The following TUSC1 variants were observed in gnomAD, a reference collection of about 807,000 sequenced individuals.
TUSC1 encodes tumor suppressor candidate gene 1 protein.
A neutral mutation model predicts 5.2 loss-of-function variants in TUSC1; 8 were observed. The ratio of observed to expected loss-of-function variants is 1.54; its 90% confidence interval spans 0.90 to 2.77. The LOEUF is 2.77. Among genes scored for constraint, TUSC1 ranks in the 30% most tolerant of loss-of-function variants. The pLI, the probability that TUSC1 is intolerant of heterozygous loss-of-function variation, is 0.00. For synonymous variants in TUSC1, 192 were observed against 144.2 expected, an observed-to-expected ratio of 1.33 and a Z score of -2.37; for missense variants, 442 against 324.2, an observed-to-expected ratio of 1.36 and a Z score of -2.79.
chr9:25,678,104 A>C lies in TUSC1; in HGVS notation c.209T>G (p.Leu70Trp). The change falls in exon 1 of 1, where the codon TTG becomes TGG. Residue 70 changes from leucine to tryptophan, a missense_variant. By Grantham distance (61) the Leu-to-Trp change is moderately conservative. Transcript: ENST00000358022. The stretch of plus-strand genomic sequence containing the variant: ...CTCGTCCCGCGCACGGATGGCCTCC[A>C]AGTGGCTCGCCGCCAGGTCGGCAAA... ...ERFADLAASH[L>W]EAIRARDEWD... 6.4e-7 allele frequency: 1 copy of C among 1,573,660 alleles called. No individual in the cohort carries two copies. The highest frequency in any genetic ancestry group is 8.6e-7 in the Non-Finnish European group (1 of 1,167,770).
Position 25,677,313 on chromosome 9 carries a change from T to A in TUSC1, c.*370A>T, listed in dbSNP as rs79831554. The A allele has an allele frequency of 1.3e-5, 3 of 234,908 alleles. No individual in the cohort carries two copies. The highest frequency in any genetic ancestry group is 2.4e-5 in the Non-Finnish European group (3 of 123,000). 14.6% of individuals were successfully genotyped at this position (234,908 alleles called of 1,614,324 possible). A position where few individuals can be genotyped will look rare whatever the true frequency, so the allele number is the denominator to read the frequency against. ...AACCAAAATACAGGAAAAAAAAAAA[T>A]ACAACAGGTTCGCACAACATCCAGA... On this transcript the variant is annotated 3_prime_UTR_variant, in exon 1 of 1. Transcript: ENST00000358022.
chr9:25,677,672 T>A lies in TUSC1; in HGVS notation c.*11A>T, dbSNP rs575300677. 9.3e-5 allele frequency: 139 copies of A among 1,498,756 alleles called. No homozygotes were observed. In the African/African-American group the frequency reaches 1.6e-3, roughly 17 times the overall value. 92.8% of individuals were successfully genotyped at this position (1,498,756 alleles called of 1,614,324 possible). A position where few individuals can be genotyped will look rare whatever the true frequency, so the allele number is the denominator to read the frequency against. On this transcript the variant is annotated 3_prime_UTR_variant, in exon 1 of 1. Transcript: ENST00000358022. Reference sequence around the variant, plus strand: ...GCTCGAGGCTCCGCCTCTCACCGGCTGCGGCCTCGGCTACAGCCAGGGCCC... The same window carrying A: ...GCTCGAGGCTCCGCCTCTCACCGGCAGCGGCCTCGGCTACAGCCAGGGCCC...
Position 25,677,746 on chromosome 9 carries a change from A to G in TUSC1, c.567T>C (p.Pro189=). The G allele has an allele frequency of 6.3e-7, 1 of 1,578,188 alleles. No individual in the cohort carries two copies. The highest frequency in any genetic ancestry group is 8.6e-7 in the Non-Finnish European group (1 of 1,162,608). Residue 189 remains proline (P), a synonymous_variant, in exon 1 of 1, where the codon CCT becomes CCC. Transcript: ENST00000358022. ...PRPSGDKEEQ[P]LQEPDSGLRS... Reference sequence around the variant, plus strand: ...GGAGGCCGGAGTCGGGTTCCTGTAGAGGCTGCTCCTCCTTGTCCCCGCTCG... The same window carrying G: ...GGAGGCCGGAGTCGGGTTCCTGTAGGGGCTGCTCCTCCTTGTCCCCGCTCG...
In TUSC1 at chr9:25,677,762, T is replaced by A; in HGVS notation, c.551A>T (p.Asp184Val). 2.5e-6 allele frequency: 4 copies of A among 1,580,344 alleles called. No homozygotes were observed. Among genetic ancestry groups the A allele is most frequent in the Non-Finnish European group, 3.4e-6 (4 of 1,163,916 alleles). ...TTCCTGTAGAGGCTGCTCCTCCTTG[T>A]CCCCGCTCGGACGTGGTCCCCGCTG... ...LEQRGPRPSG[D>V]KEEQPLQEPD... Residue 184 changes from aspartate (D) to valine (V), a missense_variant, in exon 1 of 1, where the codon GAC becomes GTC. By Grantham distance (152) the Asp-to-Val change is radical. Coordinates refer to ENST00000358022, the MANE Select transcript of TUSC1 (RefSeq NM_001004125.3).
In TUSC1 at chr9:25,677,761, G is replaced by A. The variant is rs1309143833; in HGVS notation, c.552C>T (p.Asp184=). 4 of 1,579,886 alleles carry A rather than the reference G, an allele frequency of 2.5e-6. No homozygotes were observed. Among genetic ancestry groups the A allele is most frequent in the South Asian group, 1.2e-5 (1 of 86,794 alleles). The change falls in exon 1 of 1, where the codon GAC becomes GAT. Residue 184 remains aspartate, a synonymous_variant. Coordinates refer to ENST00000358022, the MANE Select transcript of TUSC1 (RefSeq NM_001004125.3). ...LEQRGPRPSG[D]KEEQPLQEPD... ...GTTCCTGTAGAGGCTGCTCCTCCTT[G>A]TCCCCGCTCGGACGTGGTCCCCGCT...
In TUSC1 at chr9:25,677,648, C is replaced by T. The variant is rs556751065; in HGVS notation, c.*35G>A. 17 of 1,465,044 alleles carry T rather than the reference C, an allele frequency of 1.2e-5. No individual in the cohort carries two copies. In the Admixed American group the frequency reaches 4.1e-4, roughly 36 times the overall value. 90.8% of individuals were successfully genotyped at this position (1,465,044 alleles called of 1,614,324 possible). The stretch of plus-strand genomic sequence containing the variant: ...CTGGGAACGGAGGAGGAGGGGCCCG[C>T]TCGAGGCTCCGCCTCTCACCGGCTG... On this transcript the variant is annotated 3_prime_UTR_variant, in exon 1 of 1. Transcript: ENST00000358022.
Position 25,677,354 on chromosome 9 carries a change from T to G in TUSC1, c.*329A>C, listed in dbSNP as rs1254625787. The G allele has an allele frequency of 5.6e-6, 2 of 359,282 alleles. No homozygotes were observed. Among genetic ancestry groups the G allele is most frequent in the Non-Finnish European group, 1.0e-5 (2 of 199,942 alleles). 22.3% of individuals were successfully genotyped at this position (359,282 alleles called of 1,614,324 possible). A position where few individuals can be genotyped will look rare whatever the true frequency, so the allele number is the denominator to read the frequency against. On this transcript the variant is annotated 3_prime_UTR_variant, in exon 1 of 1. Coordinates refer to ENST00000358022, the MANE Select transcript of TUSC1 (RefSeq NM_001004125.3). Reference sequence around the variant, plus strand: ...AACATCCAGAAAAGTTCAGGGAATATGAAGTGTTTCTTGGCACCCAGTTCT... The same window carrying G: ...AACATCCAGAAAAGTTCAGGGAATAGGAAGTGTTTCTTGGCACCCAGTTCT...
At position 25,678,241 on chromosome 9, in the gene TUSC1, T is replaced by C; in HGVS notation, c.72A>G (p.Arg24=). 1 of 1,411,360 alleles carries C rather than the reference T, an allele frequency of 7.1e-7. No homozygotes were observed. Among genetic ancestry groups the C allele is most frequent in the Non-Finnish European group, 9.2e-7 (1 of 1,082,584 alleles). The allele number at this position is 1,411,360 out of a possible 1,614,324, so 87.4% of individuals were successfully genotyped here. The stretch of plus-strand genomic sequence containing the variant: ...GAGCCCGGCCGGAGCGGCCTGGCCC[T>C]CGGCCGTCCGCAGCACCGTCCCCGC... ...CCGGDGAADG[R]GPGRSGRARG... is the part of the protein sequence containing the mutation. The change falls in exon 1 of 1, where the codon CGA becomes CGG. Residue 24 remains arginine (R), a synonymous_variant. Transcript: ENST00000358022.
Position 25,677,848 on chromosome 9 carries a change from C to T in TUSC1, c.465G>A (p.Arg155=), listed in dbSNP as rs1346739543. 6.3e-7 allele frequency: 1 copy of T among 1,596,282 alleles called. No individual in the cohort carries two copies. The highest frequency in any genetic ancestry group is 1.1e-5 in the South Asian group (1 of 88,714). ...TGGCTTCCAGCTTCTCAAGTCGGGC[C>T]CTCAGGGCCCTGGGGCTGCCCGGCT... The part of the protein sequence containing the change: ...EDEPGSPRAL[R]ARLEKLEAMY... The change falls in exon 1 of 1, where the codon AGG becomes AGA. Residue 155 remains arginine, a synonymous_variant. Coordinates refer to ENST00000358022, the MANE Select transcript of TUSC1 (RefSeq NM_001004125.3).
Position 25,677,403 on chromosome 9 carries a change from C to A in TUSC1, c.*280G>T. Reference sequence around the variant, plus strand: ...CTCGCTGTTTTAAAATCCGTCCCTTCGTTGTTGGCTAGGCCTCTCTCCAGG... The same window carrying A: ...CTCGCTGTTTTAAAATCCGTCCCTTAGTTGTTGGCTAGGCCTCTCTCCAGG... On this transcript the variant is annotated 3_prime_UTR_variant, in exon 1 of 1. Transcript: ENST00000358022. The A allele has an allele frequency of 4.5e-6, 2 of 449,418 alleles. No homozygotes were observed. The highest frequency in any genetic ancestry group is 7.7e-6 in the Non-Finnish European group (2 of 260,914). The allele number at this position is 449,418 out of a possible 1,614,324, so 27.8% of individuals were successfully genotyped here. A position where few individuals can be genotyped will look rare whatever the true frequency, so the allele number is the denominator to read the frequency against.
rs1036551378 is a variant in TUSC1, at chr9:25,677,603, G to A, written c.*80C>T. ...CCGCGGGCAGGGAGCGGGCCAGGGC[G>A]TGCGCGAGGTCGGGGGTAGCTGGGA... On this transcript the variant is annotated 3_prime_UTR_variant, in exon 1 of 1. Transcript: ENST00000358022. 8 of 1,439,776 alleles carry A rather than the reference G, an allele frequency of 5.6e-6. No individual in the cohort carries two copies. In the Admixed American group the frequency reaches 1.7e-4, roughly 31 times the overall value. The allele number at this position is 1,439,776 out of a possible 1,614,324, so 89.2% of individuals were successfully genotyped here. A position where few individuals can be genotyped will look rare whatever the true frequency, so the allele number is the denominator to read the frequency against.
At position 25,677,689 on chromosome 9, in the gene TUSC1, C is replaced by G. The variant is rs1033697104; in HGVS notation, c.624G>C (p.Trp208Cys). ...RSRDSEPSGP[W>C]L is the part of the protein sequence containing the mutation. ...TCACCGGCTGCGGCCTCGGCTACAG[C>G]CAGGGCCCAGAGGGCTCCGAGTCCC... The change falls in exon 1 of 1, where the codon TGG (tryptophan) becomes TGC (cysteine). Residue 208 changes from tryptophan to cysteine, a missense_variant. Transcript: ENST00000358022. 1.3e-6 allele frequency: 2 copies of G among 1,532,584 alleles called. No homozygotes were observed. The highest frequency in any genetic ancestry group is 1.8e-6 in the Non-Finnish European group (2 of 1,138,334). The allele number at this position is 1,532,584 out of a possible 1,614,324, so 94.9% of individuals were successfully genotyped here.
rs1019215936 is a variant in TUSC1 at position 25,677,377 on chromosome 9, T to C, written c.*306A>G. Reference sequence around the variant, plus strand: ...TATGAAGTGTTTCTTGGCACCCAGTTCTCGCTGTTTTAAAATCCGTCCCTT... The same window carrying C: ...TATGAAGTGTTTCTTGGCACCCAGTCCTCGCTGTTTTAAAATCCGTCCCTT... On this transcript the variant is annotated 3_prime_UTR_variant, in exon 1 of 1. Transcript: ENST00000358022. The C allele has an allele frequency of 4.0e-5, 16 of 404,072 alleles. No homozygotes were observed. Among genetic ancestry groups the C allele is most frequent in the African/African-American group, 2.9e-4 (14 of 48,574 alleles). 25.0% of individuals were successfully genotyped at this position (404,072 alleles called of 1,614,324 possible).
In TUSC1 at chr9:25,678,070, C is replaced by T. The variant is rs1481569317; in HGVS notation, c.243G>A (p.Arg81=). 1 of 1,588,566 alleles carries T rather than the reference C, an allele frequency of 6.3e-7. No individual in the cohort carries two copies. The highest frequency in any genetic ancestry group is 1.7e-5 in the Admixed American group (1 of 58,646). Residue 81 remains arginine (R), a synonymous_variant, in exon 1 of 1, where the codon CGG becomes CGA. Coordinates refer to ENST00000358022, the MANE Select transcript of TUSC1 (RefSeq NM_001004125.3). The part of the protein sequence containing the change: ...EAIRARDEWD[R]QNARLRQENA... The stretch of plus-strand genomic sequence containing the variant: ...TCTCCTGACGCAGCCGCGCGTTCTG[C>T]CGGTCCCACTCGTCCCGCGCACGGA...
chr9:25,678,371 C>T lies in TUSC1; in HGVS notation c.-59G>A. On this transcript the variant is annotated 5_prime_UTR_variant, in exon 1 of 1. Coordinates refer to ENST00000358022, the MANE Select transcript of TUSC1 (RefSeq NM_001004125.3). ...GGCTGAGGGGCCGCGCGGCCAGGCG[C>T]GGGCAAGTTCGGGGCTGGCAGGGCG... 2.3e-6 allele frequency: 3 copies of T among 1,332,206 alleles called. No homozygotes were observed. Among genetic ancestry groups the T allele is most frequent in the Non-Finnish European group, 2.9e-6 (3 of 1,035,972 alleles). The allele number at this position is 1,332,206 out of a possible 1,614,324, so 82.5% of individuals were successfully genotyped here.
rs1041857110 is a variant in TUSC1, at chr9:25,678,399, C to A, written c.-87G>T. On this transcript the variant is annotated 5_prime_UTR_variant, in exon 1 of 1. Coordinates refer to ENST00000358022, the MANE Select transcript of TUSC1 (RefSeq NM_001004125.3). ...GCAAGTTCGGGGCTGGCAGGGCGGC[C>A]GGGGTGACGACGGAGGAGGAGAGGA... 13 of 1,215,020 alleles carry A rather than the reference C, an allele frequency of 1.1e-5. No individual in the cohort carries two copies. Among genetic ancestry groups the A allele is most frequent in the Non-Finnish European group, 1.4e-5 (13 of 954,302 alleles). The allele number at this position is 1,215,020 out of a possible 1,614,324, so 75.3% of individuals were successfully genotyped here. A position where few individuals can be genotyped will look rare whatever the true frequency, so the allele number is the denominator to read the frequency against.
Position 25,677,941 on chromosome 9 carries a change from C to T in TUSC1, c.372G>A (p.Ala124=), listed in dbSNP as rs1295711983. ...LPGEGGNGTP[A]EARRVPEEAS... ...CCTCTTCAGGGACCCGGCGTGCCTC[C>T]GCGGGCGTCCCGTTGCCGCCTTCGC... Residue 124 remains alanine, a synonymous_variant, in exon 1 of 1, where the codon GCG becomes GCA. Coordinates refer to ENST00000358022, the MANE Select transcript of TUSC1 (RefSeq NM_001004125.3). 1 of 1,554,018 alleles carries T rather than the reference C, an allele frequency of 6.4e-7. No individual in the cohort carries two copies. The highest frequency in any genetic ancestry group is 8.7e-7 in the Non-Finnish European group (1 of 1,154,216).
Position 25,678,081 on chromosome 9 carries a change from C to A in TUSC1, c.232G>T (p.Glu78Ter). The A allele has an allele frequency of 6.3e-7, 1 of 1,589,100 alleles. No homozygotes were observed. ...SHLEAIRARDEWDRQNARLRQ... is the reference protein window; with the variant it reads ...SHLEAIRARD ...AGCCGCGCGTTCTGCCGGTCCCACT[C>A]GTCCCGCGCACGGATGGCCTCCAAG... Residue 78 changes from glutamate (E) to a stop codon, truncating the protein, a stop_gained, in exon 1 of 1, where the codon GAG becomes TAG. Coordinates refer to ENST00000358022, the MANE Select transcript of TUSC1 (RefSeq NM_001004125.3). LOFTEE classifies it low-confidence loss of function (END_TRUNC).
rs1819076950 is a variant in TUSC1 at position 25,677,841 on chromosome 9, G to A, written c.472C>T (p.Leu158Phe). 1 of 1,596,752 alleles carries A rather than the reference G, an allele frequency of 6.3e-7. No individual in the cohort carries two copies. Among genetic ancestry groups the A allele is most frequent in the Non-Finnish European group, 8.5e-7 (1 of 1,173,966 alleles). Residue 158 changes from leucine to phenylalanine, a missense_variant, in exon 1 of 1, where the codon CTT becomes TTT. Physicochemically the swap from Leu to Phe is conservative, Grantham distance 22. Transcript: ENST00000358022. Reference sequence around the variant, plus strand: ...CGGTACATGGCTTCCAGCTTCTCAAGTCGGGCCCTCAGGGCCCTGGGGCTG... The same window carrying A: ...CGGTACATGGCTTCCAGCTTCTCAAATCGGGCCCTCAGGGCCCTGGGGCTG... ...PGSPRALRAR[L>F]EKLEAMYRRA...
Sources: gnomAD v4.1 joint callset for allele counts on GRCh38, gnomAD v4.1.1 for gene constraint, MANE v1.5 for transcripts, NCBI Gene and HGNC (gene_info 2026-07-23, HGNC 2026-07-21) for gene names.